Variants in CLVS1 observed in about 807,000 individuals in gnomAD.
CLVS1 encodes the protein clavesin-1.
CLVS1 carries 10 observed loss-of-function variants against 33.1 expected under a neutral mutation model. The observed-to-expected ratio is 0.30, with a 90% CI of 0.19 to 0.51. CLVS1 has a LOEUF of 0.51. Among genes scored for constraint, CLVS1 ranks in the 20% least tolerant of loss-of-function variants. The probability of loss-of-function intolerance (pLI) is 0.97; values close to 1 mark genes in which losing one functional copy is unlikely to be tolerated. For missense variants in CLVS1, 343 were observed against 433.4 expected, an observed-to-expected ratio of 0.79 and a Z score of 1.85; for synonymous variants, 163 against 166.1, an observed-to-expected ratio of 0.98 and a Z score of 0.14.
intron 1 of CLVS1, among the ~76,000 whole-genome samples, chr8:61,125,520 A>G (rs1019373836): frequency 6.6e-6 from 1 of 152,246 alleles, no homozygotes; most frequent in African/African-American, 2.4e-5. Context: ...TGACTGAAAA[A>G]GACATTGGTG....
chr8:61,234,946 T>C (rs969459309), intron 2 of CLVS1, among the ~76,000 whole-genome samples: 2 of 152,166 alleles, frequency 1.3e-5, no homozygotes, highest in African/African-American at 2.4e-5. Flanking sequence ...GTCTTCTTTG[T>C]ATGGGACATA....
At position 61,272,222 on chromosome 8, in the gene CLVS1, G is replaced by A. The variant is rs565342066; in HGVS notation, c.-151-27455G>A. Among the ~76,000 whole-genome samples the A allele has an allele frequency of 4.1e-3, 617 of 152,110 alleles. 5 individuals carry two copies. Among genetic ancestry groups the A allele is most frequent in the African/African-American group, 0.013 (535 of 41,486 alleles). On this transcript the variant is annotated intron_variant, in intron 2 of 2. Coordinates refer to the CLVS1 transcript ENST00000522621. Reference sequence around the variant, plus strand: ...AAAATCTCTCAGCATTTGCTTGTCTGTAAAGGATTTTATTTCTCCTTCACT... The same window carrying A: ...AAAATCTCTCAGCATTTGCTTGTCTATAAAGGATTTTATTTCTCCTTCACT...
chr8:61,040,074 T>C, the CLVS1 span, among the ~76,000 whole-genome samples: 1 of 152,206 alleles, frequency 6.6e-6, no homozygotes, highest in African/African-American at 2.4e-5. Context: ...AGCTCCCACT[T>C]ATAAGTGAGA....
rs567591148 is a variant in CLVS1, at chr8:61,450,591, G to A, written c.631-3550G>A. Among the ~76,000 whole-genome samples, 18 of 152,262 alleles carry A rather than the reference G, an allele frequency of 1.2e-4. No homozygotes were observed. In the East Asian group the frequency reaches 3.1e-3, roughly 26 times the overall value. On this transcript the variant is annotated intron_variant, in intron 3 of 5. Transcript: ENST00000325897. ...GTGCTGAATTGAAGACGTGCAAGAC[G>A]TGAACTAATTGTTAAGGCAAGAATT... is the stretch of plus-strand genomic sequence containing the variant.
At chr8:61,260,326 A>G (rs1386430422) in intron 2 of CLVS1, among the ~76,000 whole-genome samples, 1 of 152,218 alleles carries the variant, frequency 6.6e-6, no homozygotes, top group Non-Finnish European at 1.5e-5. Context: ...ATAACATCTG[A>G]AAGTGCAGGG....
chr8:61,273,466 G>A (rs1809493107), intron 2 of CLVS1, among the ~76,000 whole-genome samples: 1 of 152,218 alleles, frequency 6.6e-6, no homozygotes, highest in Non-Finnish European at 1.5e-5. Flanking sequence ...CCTGCCCCCA[G>A]AGGTGGAGCC....
At chr8:61,168,664 G>T (rs6985539) in intron 2 of CLVS1, among the ~76,000 whole-genome samples, 2 of 152,036 alleles carry the variant, frequency 1.3e-5, no homozygotes, top group East Asian at 3.9e-4. Context: ...TCTCTCACTC[G>T]GCTGACTTGG....
intron 1 of CLVS1, among the ~76,000 whole-genome samples, chr8:61,106,193 C>T (rs753327644): frequency 6.6e-6 from 1 of 152,138 alleles, no homozygotes; most frequent in Non-Finnish European, 1.5e-5. Context: ...TTTAATTGAA[C>T]TGTATTTTAA....
rs368693961 is a variant in CLVS1 at position 61,425,234 on chromosome 8, C to A, written c.631-28907C>A. On this transcript the variant is annotated intron_variant, in intron 3 of 5. Transcript: ENST00000325897. ...AGCCCATGCTCATTTGCATTCAGAT[C>A]TTCTGTTTAAGGTACTTTGCATTTC... is the stretch of plus-strand genomic sequence containing the variant. Among the ~76,000 whole-genome samples the A allele has an allele frequency of 1.1e-4, 17 of 152,234 alleles. No homozygotes were observed. In the South Asian group the frequency reaches 3.3e-3, roughly 30 times the overall value.
intron 2 of CLVS1, among the ~76,000 whole-genome samples, chr8:61,194,297 G>C (rs942629533): frequency 4.6e-5 from 7 of 151,984 alleles, no homozygotes; most frequent in Admixed American, 6.6e-5. Context: ...TTTATATGCT[G>C]TTGAAAAAAT....
chr8:61,080,743 T>C (rs1265860494), intron 1 of CLVS1, among the ~76,000 whole-genome samples: 1 of 152,158 alleles, frequency 6.6e-6, no homozygotes, highest in African/African-American at 2.4e-5. Flanking sequence ...ACTAGAAATA[T>C]CATAGGTAGA....
intron 3 of CLVS1, among the ~76,000 whole-genome samples, chr8:61,430,276 T>C (rs911666310): frequency 6.6e-6 from 1 of 152,238 alleles, no homozygotes; most frequent in Non-Finnish European, 1.5e-5. Context: ...GTTGCTTAAG[T>C]CAAAGTTTAA....
chr8:61,315,499 A>T (rs181176032), intron 2 of CLVS1, among the ~76,000 whole-genome samples: 1 of 152,088 alleles, frequency 6.6e-6, no homozygotes, highest in South Asian at 2.1e-4. Context: ...CGTGATATAC[A>T]TGACTGTGAT....
chr8:61,478,783 T>C (rs1401820973), intron 5 of CLVS1, among the ~76,000 whole-genome samples: 1 of 152,230 alleles, frequency 6.6e-6, no homozygotes, highest in African/African-American at 2.4e-5. Flanking sequence ...TTTGCCAGTC[T>C]GTGTCTTTTA....
At chr8:61,278,661 T>C (rs1291327236) in intron 2 of CLVS1, among the ~76,000 whole-genome samples, 1 of 152,264 alleles carries the variant, frequency 6.6e-6, no homozygotes. Context: ...TAGATATAGA[T>C]AAAATATATT....
chr8:61,397,285 C>G (rs1327249494), intron 3 of CLVS1, among the ~76,000 whole-genome samples: 5 of 152,074 alleles, frequency 3.3e-5, no homozygotes, highest in Non-Finnish European at 7.4e-5. Context: ...TTGCTTTGCA[C>G]TTTCCTAATG....
At chr8:61,434,136 C>T (rs1012875145) in intron 3 of CLVS1, among the ~76,000 whole-genome samples, 2 of 152,030 alleles carry the variant, frequency 1.3e-5, no homozygotes, top group Middle Eastern at 3.2e-3. Context: ...ACAAGTTTTA[C>T]TTAAAGTAAG....
At chr8:61,336,806 G>A (rs754314425) in intron 2 of CLVS1, among the ~76,000 whole-genome samples, 2 of 152,142 alleles carry the variant, frequency 1.3e-5, no homozygotes, top group Non-Finnish European at 2.9e-5. Context: ...GGTAGGTGGT[G>A]CAAATATAGG....
At chr8:61,110,889 A>C (rs1364660606) in intron 1 of CLVS1, among the ~76,000 whole-genome samples, 1 of 152,234 alleles carries the variant, frequency 6.6e-6, no homozygotes, top group Non-Finnish European at 1.5e-5. Flanking sequence ...TTAAGATGGA[A>C]TAATATTACC....
Sources: gnomAD v4.1 joint callset for allele counts (sites outside exome capture counted in the v4.1 genomes callset) on GRCh38, gnomAD v4.1.1 for gene constraint, MANE v1.5 for transcripts, NCBI Gene and HGNC (gene_info 2026-07-23, HGNC 2026-07-21) for gene names.